EFL1: variants seen among roughly 807,000 people sequenced by gnomAD.
The protein encoded by EFL1 is elongation factor like GTPase 1, also known as elongation factor-like GTPase 1.
EFL1 carries 76 observed loss-of-function variants against 126.7 expected under a neutral mutation model. The observed-to-expected ratio is 0.60, with a 90% CI of 0.50 to 0.73. EFL1 has a LOEUF of 0.73. EFL1 is among the 30% of genes least tolerant of loss of function. EFL1 has a pLI of 0.00. For missense variants in EFL1, 1,128 were observed against 1,343.2 expected (o/e 0.84, Z 2.50); for synonymous variants, 410 against 448.4 (o/e 0.91, Z 1.08).
At chr15:82,156,139 A>G (rs981165778) in intron 17 of EFL1, among the ~76,000 whole-genome samples, 3 of 152,186 alleles carry the variant, frequency 2.0e-5, no homozygotes, top group Non-Finnish European at 4.4e-5. Context: ...ATATTCTCTT[A>G]TACTATCTTC....
At chr15:82,133,912 G>A (rs1240564028) in intron 19 of EFL1, among the ~76,000 whole-genome samples, 1 of 152,162 alleles carries the variant, frequency 6.6e-6, no homozygotes, top group Non-Finnish European at 1.5e-5. Context: ...GGAGTCGGGG[G>A]TTGGCACTTC....
At position 82,198,728 on chromosome 15, in the gene EFL1, G is replaced by A. The variant is rs1384176529; in HGVS notation, c.1750+15989C>T. Among the ~76,000 whole-genome samples, 50 of 152,250 alleles carry A rather than the reference G, an allele frequency of 3.3e-4. No individual in the cohort carries two copies. The East Asian group carries it at 4.9e-3, about 15-fold the overall frequency. On this transcript the variant is annotated intron_variant, in intron 15 of 19. Coordinates refer to ENST00000268206, the MANE Select transcript of EFL1 (RefSeq NM_024580.6). ...TTCATCTACCTCAACTTCCTTCTAT[G>A]CAGATGCAGTTTCAGGTCTGGAAAT...
Position 82,152,245 on chromosome 15 carries a change from C to A in EFL1, c.2209G>T (p.Asp737Tyr), listed in dbSNP as rs751198236. Reference sequence around the variant, plus strand: ...GGAGTTGTTATGGTGATTAGCCCGTCAGAGTCAACTTGGATTCCTTCAGGG... The same window carrying A: ...GGAGTTGTTATGGTGATTAGCCCGTAAGAGTCAACTTGGATTCCTTCAGGG... Reference protein sequence around the residue: ...KIPEGIQVDSDGLITITTPNK... With the variant: ...KIPEGIQVDSYGLITITTPNK... The change falls in exon 18 of 20, where the codon GAC (aspartate) becomes TAC (tyrosine). Residue 737 changes from aspartate (D) to tyrosine (Y), a missense_variant. Asp to Tyr is a radical substitution (Grantham distance 160). Transcript: ENST00000268206. The A allele has an allele frequency of 6.2e-7, 1 of 1,614,190 alleles. No homozygotes were observed. The highest frequency in any genetic ancestry group is 8.5e-7 in the Non-Finnish European group (1 of 1,180,032).
Position 82,152,188 on chromosome 15 carries a change from T to C in EFL1, c.2266A>G (p.Met756Val), listed in dbSNP as rs2073919490. Reference sequence around the variant, plus strand: ...TGGGTGACTTCTTCTGGAAGGGGCATGGCTCGAACACTGAGCGTGGCAAGT... The same window carrying C: ...TGGGTGACTTCTTCTGGAAGGGGCACGGCTCGAACACTGAGCGTGGCAAGT... ...NKLATLSVRA[M>V]PLPEEVTQIL... is the part of the protein sequence containing the mutation. The change falls in exon 18 of 20, where the codon ATG becomes GTG. Residue 756 changes from methionine to valine, a missense_variant. By Grantham distance (21) the Met-to-Val change is conservative. This residue lies in a region of EFL1 where 561 missense variants were observed against 641.7 expected (regional missense o/e 0.87). Coordinates refer to ENST00000268206, the MANE Select transcript of EFL1 (RefSeq NM_024580.6). 6.2e-7 allele frequency: 1 copy of C among 1,614,184 alleles called. No individual in the cohort carries two copies. The highest frequency in any genetic ancestry group is 8.5e-7 in the Non-Finnish European group (1 of 1,180,030).
At chr15:82,152,644 C>G (rs757729157) in intron 17 of EFL1, among the ~76,000 whole-genome samples, 20 of 151,672 alleles carry the variant, frequency 1.3e-4, no homozygotes, top group Non-Finnish European at 1.0e-4. Flanking sequence ...CAGGGAAATC[C>G]TTGCATGTAC....
intron 15 of EFL1, among the ~76,000 whole-genome samples, chr15:82,181,713 A>G (rs755826237): frequency 1.8e-4 from 27 of 152,006 alleles, no homozygotes; most frequent in Non-Finnish European, 3.8e-4. Flanking sequence ...TGGTAGGCCA[A>G]TGAACGTGAC....
intron 4 of EFL1, among the ~76,000 whole-genome samples, 161 bp from the exon 5 acceptor site, chr15:82,241,564 CT>C (rs1326610330): frequency 6.6e-6 from 1 of 152,224 alleles, no homozygotes; most frequent in Non-Finnish European, 1.5e-5. Context: ...ACTTTTCCCA[CT>C]GATGGGACTA....
chr15:82,238,313 C>G lies in EFL1; in HGVS notation c.725G>C (p.Gly242Ala), dbSNP rs773585225. The change falls in exon 7 of 20, where the codon GGC becomes GCC. Residue 242 changes from glycine to alanine, a missense_variant. Physicochemically the swap from Gly to Ala is moderately conservative, Grantham distance 60 (BLOSUM62 0). Coordinates refer to ENST00000268206, the MANE Select transcript of EFL1 (RefSeq NM_024580.6). ...VVFTSAIDGW[G>A]FGIEHFARIY... ...CAGATGCAAACAGACTTACCCAAAGCCCCACCCATCTATTGCACTGGTAAA... is the reference window on the plus strand; with the variant it reads ...CAGATGCAAACAGACTTACCCAAAGGCCCACCCATCTATTGCACTGGTAAA... 7 of 1,613,862 alleles carry G rather than the reference C, an allele frequency of 4.3e-6. No individual in the cohort carries two copies. Among genetic ancestry groups the G allele is most frequent in the African/African-American group, 1.3e-5 (1 of 74,906 alleles).
chr15:82,225,047 T>C (rs545683027), intron 12 of EFL1, 118 bp downstream of exon 12: 6 of 648,442 alleles, frequency 9.3e-6, no homozygotes, highest in South Asian at 2.7e-5. Context: ...TGGCTTGATA[T>C]GAATTCTGGG....
chr15:82,252,092 A>ATC (rs1232996803), intron 4 of EFL1, among the ~76,000 whole-genome samples: 1 of 152,224 alleles, frequency 6.6e-6, no homozygotes, highest in East Asian at 1.9e-4. Context: ...TAACATATAT[A>ATC]TTAAACATTT....
intron 17 of EFL1, among the ~76,000 whole-genome samples, chr15:82,156,515 C>T (rs965351698): frequency 6.6e-6 from 1 of 152,146 alleles, no homozygotes; most frequent in African/African-American, 2.4e-5. Context: ...GATCTCCTGA[C>T]CTCGTGATCT....
chr15:82,219,908 C>G, intron 13 of EFL1, 90 bp from the exon 14 acceptor site: 1 of 1,501,342 alleles, frequency 6.7e-7, no homozygotes, highest in Non-Finnish European at 8.9e-7. Context: ...AATATGATAT[C>G]TTTCGTCAAG....
chr15:82,186,137 G>GT (rs2074301225), intron 15 of EFL1, among the ~76,000 whole-genome samples: 2 of 151,566 alleles, frequency 1.3e-5, no homozygotes, highest in African/African-American at 4.9e-5. Context: ...ATAGTTGCTT[G>GT]TTTTTTTCTT....
intron 7 of EFL1, among the ~76,000 whole-genome samples, chr15:82,232,137 G>C (rs181766966): frequency 1.5e-4 from 23 of 152,288 alleles, no homozygotes; most frequent in African/African-American, 5.1e-4. Context: ...AGAAACAATA[G>C]GAGGCAACCA....
chr15:82,162,191 C>A (rs1185118854), intron 16 of EFL1, among the ~76,000 whole-genome samples: 1 of 152,082 alleles, frequency 6.6e-6, no homozygotes, highest in Admixed American at 6.5e-5. Context: ...GCAGGAGGAT[C>A]TCGTGAGCCC....
intron 16 of EFL1, among the ~76,000 whole-genome samples, chr15:82,161,173 A>C (rs1273947198): frequency 7.4e-6 from 1 of 135,946 alleles, no homozygotes; most frequent in Non-Finnish European, 1.6e-5. Flanking sequence ...GGATTAATCT[A>C]GTTGTCACAA....
intron 15 of EFL1, among the ~76,000 whole-genome samples, chr15:82,165,288 A>G (rs558889756): frequency 6.6e-6 from 1 of 152,168 alleles, no homozygotes; most frequent in Non-Finnish European, 1.5e-5. Flanking sequence ...TGAAAGAGAG[A>G]GAGCGAGAGA....
intron 7 of EFL1, among the ~76,000 whole-genome samples, chr15:82,236,212 A>C (rs1343177776): frequency 6.6e-6 from 1 of 152,210 alleles, no homozygotes; most frequent in Non-Finnish European, 1.5e-5. Context: ...GAATAGAAAA[A>C]ATTCAACATA....
chr15:82,231,596 A>G (rs1351421250), intron 7 of EFL1, among the ~76,000 whole-genome samples: 2 of 152,136 alleles, frequency 1.3e-5, no homozygotes, highest in East Asian at 3.9e-4. Context: ...TCTTTAGAGA[A>G]CAATCTAGTT....
Sources: gnomAD v4.1 joint callset for allele counts (sites outside exome capture counted in the v4.1 genomes callset) on GRCh38, gnomAD v4.1.1 for gene constraint, gnomAD v4.1.1 regional missense constraint, MANE v1.5 for transcripts, NCBI Gene and HGNC (gene_info 2026-07-23, HGNC 2026-07-21) for gene names.